Variants in RAB28 observed in about 807,000 individuals in gnomAD.
RAB28 encodes the protein ras-related protein Rab-28.
RAB28 carries 24 observed loss-of-function variants against 31.7 expected under a neutral mutation model. The ratio of observed to expected loss-of-function variants is 0.76; its 90% CI spans 0.55 to 1.06. RAB28 has a LOEUF of 1.06. RAB28 is among the 50% of genes least tolerant of loss of function. The probability of loss-of-function intolerance (pLI) is 0.00; values close to 1 mark genes in which losing one functional copy is unlikely to be tolerated. For missense variants in RAB28, 254 were observed against 258.5 expected (o/e 0.98, Z 0.12); for synonymous variants, 100 against 90.4 (o/e 1.11, Z -0.60).
intron 4 of RAB28, among the ~76,000 whole-genome samples, chr4:13,453,969 G>T (rs1715151255): frequency 6.6e-6 from 1 of 151,848 alleles, no homozygotes; most frequent in South Asian, 2.1e-4. Context: ...ATAAGTATTT[G>T]TTCACTTAAT....
At chr4:13,426,862 T>A (rs1413221571) in intron 4 of RAB28, among the ~76,000 whole-genome samples, 1 of 152,202 alleles carries the variant, frequency 6.6e-6, no homozygotes, top group Non-Finnish European at 1.5e-5. Flanking sequence ...CTAATGAGAA[T>A]ATTTTCACCC....
At chr4:13,473,222 C>T (rs1716200613) in intron 3 of RAB28, among the ~76,000 whole-genome samples, 1 of 151,914 alleles carries the variant, frequency 6.6e-6, no homozygotes, top group Admixed American at 6.6e-5. Context: ...ATATCTCCAT[C>T]CTATAGAATC....
chr4:13,471,948 A>C (rs1716140530), intron 3 of RAB28, among the ~76,000 whole-genome samples: 1 of 152,074 alleles, frequency 6.6e-6, no homozygotes, highest in Admixed American at 6.6e-5. Context: ...CTTAAAAAAT[A>C]ATGAAGACAT....
intron 4 of RAB28, among the ~76,000 whole-genome samples, chr4:13,442,570 G>A (rs1224697637): frequency 6.6e-6 from 1 of 150,438 alleles, no homozygotes; most frequent in East Asian, 1.9e-4. Context: ...CATTATTTAT[G>A]TATTTCATAG....
intron 5 of RAB28, among the ~76,000 whole-genome samples, chr4:13,377,931 A>G (rs1728984791): frequency 6.6e-6 from 1 of 152,190 alleles, no homozygotes; most frequent in Admixed American, 6.5e-5. Context: ...CAACTGGTAG[A>G]TCTGCTATTT....
intron 2 of RAB28, among the ~76,000 whole-genome samples, chr4:13,478,403 T>C (rs973021232): frequency 9.9e-5 from 15 of 151,576 alleles, no homozygotes; most frequent in African/African-American, 3.4e-4. Context: ...TCACAAAATA[T>C]AGCAGAGTAT....
chr4:13,390,324 A>C (rs186996436), intron 4 of RAB28, among the ~76,000 whole-genome samples: 106 of 152,286 alleles, frequency 7.0e-4, no homozygotes, highest in Middle Eastern at 3.4e-3. Flanking sequence ...CAAAGAGAAT[A>C]AAATGCCTAG....
At chr4:13,456,817 C>T (rs1715327914) in intron 4 of RAB28, among the ~76,000 whole-genome samples, 1 of 152,112 alleles carries the variant, frequency 6.6e-6, no homozygotes, top group African/African-American at 2.4e-5. Flanking sequence ...CCTCTATTTG[C>T]CATTTCATTA....
intron 4 of RAB28, among the ~76,000 whole-genome samples, chr4:13,423,243 A>G (rs1450371110): frequency 6.6e-6 from 1 of 152,176 alleles, no homozygotes; most frequent in African/African-American, 2.4e-5. Context: ...TAACCTTTAA[A>G]AAAGGTGAGA....
intron 4 of RAB28, among the ~76,000 whole-genome samples, chr4:13,433,439 T>A (rs1713926512): frequency 6.6e-6 from 1 of 152,098 alleles, no homozygotes; most frequent in Admixed American, 6.5e-5. Context: ...TATAGGGAAC[T>A]TAATTCAACA....
At chr4:13,444,495 G>C (rs995155650) in intron 4 of RAB28, among the ~76,000 whole-genome samples, 1 of 152,146 alleles carries the variant, frequency 6.6e-6, no homozygotes, top group African/African-American at 2.4e-5. Flanking sequence ...TGGGAGTAAA[G>C]ATTCTCTTCA....
At chr4:13,439,529 T>C (rs1270867818) in intron 4 of RAB28, among the ~76,000 whole-genome samples, 1 of 152,156 alleles carries the variant, frequency 6.6e-6, no homozygotes, top group African/African-American at 2.4e-5. Flanking sequence ...GTATCTTTAG[T>C]AGAGATGGGG....
At chr4:13,372,394 A>T (rs542743410) in intron 6 of RAB28, among the ~76,000 whole-genome samples, 2 of 152,204 alleles carry the variant, frequency 1.3e-5, no homozygotes, top group African/African-American at 4.8e-5. Context: ...TGCTGCCAGT[A>T]ACAAAACATT....
rs546401898 is a variant in RAB28 at position 13,400,051 on chromosome 4, G to A, written c.392-18457C>T. Among the ~76,000 whole-genome samples, 5 of 152,166 alleles carry A rather than the reference G, an allele frequency of 3.3e-5. No homozygotes were observed. In the East Asian group the frequency reaches 9.6e-4, roughly 29 times the overall value. ...TATTTGGAACTGATTTTTGTGCATG[G>A]TAATATCCATTTTCTTTTTCTCTAT... On this transcript the variant is annotated intron_variant, in intron 4 of 6. Transcript: ENST00000330852.
At chr4:13,385,876 T>A (rs936750869) in intron 4 of RAB28, among the ~76,000 whole-genome samples, 4 of 151,742 alleles carry the variant, frequency 2.6e-5, no homozygotes, top group African/African-American at 4.8e-5. Context: ...CAAAATGGAG[T>A]AAAGGCTTAA....
chr4:13,428,355 A>G (rs1577205417), intron 4 of RAB28, among the ~76,000 whole-genome samples: 1 of 152,230 alleles, frequency 6.6e-6, no homozygotes, highest in South Asian at 2.1e-4. Flanking sequence ...AGTGTCTGCC[A>G]AAGTAAAAAA....
At chr4:13,444,763 G>A (rs1010838382) in intron 4 of RAB28, among the ~76,000 whole-genome samples, 1 of 152,136 alleles carries the variant, frequency 6.6e-6, no homozygotes, top group Non-Finnish European at 1.5e-5. Flanking sequence ...TTAATCTTTA[G>A]ACCTCATCTC....
chr4:13,430,305 C>G (rs995858666), intron 4 of RAB28, among the ~76,000 whole-genome samples: 1 of 151,852 alleles, frequency 6.6e-6, no homozygotes, highest in South Asian at 2.1e-4. Context: ...AAAAGGAAAA[C>G]TAAAGGAGGG....
chr4:13,436,298 G>T (rs1320125774), intron 4 of RAB28, among the ~76,000 whole-genome samples: 2 of 152,068 alleles, frequency 1.3e-5, no homozygotes, highest in Non-Finnish European at 2.9e-5. Context: ...ACTGCAACAA[G>T]ACAAGGAAGT....
Sources: allele counts gnomAD v4.1 joint callset (sites outside exome capture counted in the v4.1 genomes callset), GRCh38; gene constraint gnomAD v4.1.1; transcripts MANE v1.5; gene names NCBI Gene and HGNC (gene_info 2026-07-23, HGNC 2026-07-21).